ATP2B2: variants seen among roughly 807,000 people sequenced by gnomAD.
ATP2B2 encodes plasma membrane calcium-transporting ATPase 2.
ATP2B2 carries 15 observed loss-of-function variants against 120.0 expected under a neutral mutation model. The ratio of observed to expected loss-of-function variants is 0.12; its 90% CI spans 0.08 to 0.19. ATP2B2 has a LOEUF of 0.19. Ranked by LOEUF, ATP2B2 falls within the 10% of genes least tolerant of loss-of-function variation. The pLI, the probability that ATP2B2 is intolerant of heterozygous loss-of-function variation, is 1.00. For synonymous variants in ATP2B2, 694 were observed against 700.3 expected, an observed-to-expected ratio of 0.99 and a Z score of 0.14; for missense variants, 1,045 against 1,719.8, an observed-to-expected ratio of 0.61 and a Z score of 6.94.
chr3:10,391,218 G>A (rs1389881041), intron 5 of ATP2B2, among the ~76,000 whole-genome samples: 2 of 152,172 alleles, frequency 1.3e-5, no homozygotes, highest in Admixed American at 1.3e-4. Context: ...CAGAGTGGAG[G>A]GGTGGACTGC....
chr3:10,549,169 G>T (rs2067613092), intron 2 of ATP2B2, among the ~76,000 whole-genome samples: 1 of 152,180 alleles, frequency 6.6e-6, no homozygotes, highest in African/African-American at 2.4e-5. Context: ...TCTGTCAAAT[G>T]GAGGTGCCTG....
rs373493527 is a variant in ATP2B2, at chr3:10,569,030, TC to T, written c.-414-34898del. On this transcript the variant is annotated intron_variant, in intron 2 of 21. Coordinates refer to the ATP2B2 transcript ENST00000646379. ...GACTCTTCCCCATCTCGATGGATCC[TC>T]CTCTTAACCCTGGGACGTGGTATCG... Among the ~76,000 whole-genome samples the T allele has an allele frequency of 4.8e-4, 73 of 152,316 alleles. No individual in the cohort carries two copies. The East Asian group carries it at 0.013, about 26-fold the overall frequency.
chr3:10,624,785 AGAGGAAAAGCACTTTCT>A (rs1489384987), intron 1 of ATP2B2, among the ~76,000 whole-genome samples: 1 of 152,258 alleles, frequency 6.6e-6, no homozygotes, highest in African/African-American at 2.4e-5. Context: ...TATTAACTAA[AGAGGAAAAGCACTTTCT>A]GAGGAAAAGC....
At chr3:10,530,886 G>A (rs776670928) in intron 3 of ATP2B2, among the ~76,000 whole-genome samples, 4 of 152,164 alleles carry the variant, frequency 2.6e-5, no homozygotes, top group Non-Finnish European at 5.9e-5. Context: ...AAGGAAAGAT[G>A]CCTGTCATTT....
chr3:10,684,137 T>A (rs905850579), intron 1 of ATP2B2, among the ~76,000 whole-genome samples: 1 of 152,166 alleles, frequency 6.6e-6, no homozygotes, highest in Non-Finnish European at 1.5e-5. Flanking sequence ...CCAATCATGG[T>A]AGCTCATCCT....
intron 1 of ATP2B2, among the ~76,000 whole-genome samples, chr3:10,668,092 C>G (rs1309458074): frequency 6.6e-6 from 1 of 152,234 alleles, no homozygotes; most frequent in African/African-American, 2.4e-5. Context: ...TGACCTTAGG[C>G]ACATGGCCTG....
In ATP2B2 at chr3:10,346,023, G is replaced by A. The variant is rs777535125; in HGVS notation, c.2511+8C>T. 3.9e-5 allele frequency: 63 copies of A among 1,609,230 alleles called. No individual in the cohort carries two copies. The highest frequency in any genetic ancestry group is 8.8e-5 in the South Asian group (8 of 90,766). ...CACCACCCCAGGCCCTCTGTGGGCC[G>A]TTCCTACCATGGCGAAGCCCACGTC... is the stretch of plus-strand genomic sequence containing the variant. On this transcript the variant is annotated splice_region_variant and intron_variant, in intron 17 of 22. Transcript: ENST00000360273. This position sits in a 1 kb window ranked among gnomAD's most constrained non-coding sequence, Gnocchi z 4.1.
intron 3 of ATP2B2, among the ~76,000 whole-genome samples, chr3:10,524,306 T>A (rs1231187419): frequency 6.6e-6 from 1 of 152,190 alleles, no homozygotes; most frequent in Non-Finnish European, 1.5e-5. Context: ...AGTAAACGTA[T>A]CAGGTACAAT....
intron 2 of ATP2B2, among the ~76,000 whole-genome samples, chr3:10,573,934 C>G (rs1243853671): frequency 6.6e-6 from 1 of 152,168 alleles, no homozygotes; most frequent in East Asian, 1.9e-4. Context: ...TGGTCTCTCA[C>G]TGGTCCTTCC....
Position 10,326,816 on chromosome 3 carries a change from C to T in ATP2B2, c.*1998G>A, listed in dbSNP as rs908477589. On this transcript the variant is annotated 3_prime_UTR_variant, in exon 23 of 23. Coordinates refer to ENST00000360273, the MANE Select transcript of ATP2B2 (RefSeq NM_001001331.4). ...ACCCCAAACCCTCAAGTTTTTCCACCGCCATCCAGATGTAGGCCCTCCCAG... is the reference window on the plus strand; with the variant it reads ...ACCCCAAACCCTCAAGTTTTTCCACTGCCATCCAGATGTAGGCCCTCCCAG... The T allele has an allele frequency of 3.8e-5, 15 of 398,888 alleles. No homozygotes were observed. In the South Asian group the frequency reaches 3.8e-4, roughly 10 times the overall value. The allele number at this position is 398,888 out of a possible 1,614,324, so 24.7% of individuals were successfully genotyped here.
intron 14 of ATP2B2, among the ~76,000 whole-genome samples, chr3:10,355,072 C>A (rs1470290785): frequency 6.6e-6 from 1 of 151,598 alleles, no homozygotes; most frequent in African/African-American, 2.4e-5. Flanking sequence ...CAGGAATGAC[C>A]TACCTAAAAA....
chr3:10,668,578 G>A (rs2071010288), intron 1 of ATP2B2, among the ~76,000 whole-genome samples: 1 of 152,104 alleles, frequency 6.6e-6, no homozygotes, highest in African/African-American at 2.4e-5. Flanking sequence ...ATATCCTAAG[G>A]GCTGCCTCCT....
intron 1 of ATP2B2, among the ~76,000 whole-genome samples, chr3:10,625,639 T>C (rs2069676830): frequency 6.6e-6 from 1 of 152,072 alleles, no homozygotes; most frequent in Non-Finnish European, 1.5e-5. Context: ...CAGAGTGTAT[T>C]CAGAAGGCTT....
chr3:10,519,927 T>TC (rs900355571), intron 3 of ATP2B2, among the ~76,000 whole-genome samples: 1 of 152,196 alleles, frequency 6.6e-6, no homozygotes, highest in African/African-American at 2.4e-5. Flanking sequence ...CAGGGGTTTT[T>TC]CTCACATCAT....
At chr3:10,671,695 T>C (rs745897937) in intron 1 of ATP2B2, among the ~76,000 whole-genome samples, 8 of 95,976 alleles carry the variant, frequency 8.3e-5, no homozygotes, top group Non-Finnish European at 9.3e-5. Flanking sequence ...AGTTTGATTC[T>C]AGTGCTTGGG....
intron 2 of ATP2B2, among the ~76,000 whole-genome samples, chr3:10,563,546 G>A (rs910262838): frequency 2.0e-5 from 3 of 152,190 alleles, no homozygotes; most frequent in African/African-American, 7.2e-5. Flanking sequence ...CCTTGCACCT[G>A]GAGGGTGGGG....
intron 2 of ATP2B2, among the ~76,000 whole-genome samples, chr3:10,548,010 C>T (rs1476904784): frequency 3.3e-5 from 5 of 152,234 alleles, no homozygotes; most frequent in East Asian, 1.9e-4. Context: ...TATTCATCTT[C>T]TGTCCACCTG....
intron 3 of ATP2B2, among the ~76,000 whole-genome samples, chr3:10,528,115 C>T (rs761894865): frequency 3.3e-5 from 5 of 152,286 alleles, no homozygotes; most frequent in South Asian, 2.1e-4. Flanking sequence ...TTTGTTCTCA[C>T]GAGCATGAGG....
chr3:10,651,491 A>G (rs2070461523), intron 1 of ATP2B2, among the ~76,000 whole-genome samples: 1 of 152,206 alleles, frequency 6.6e-6, no homozygotes, highest in Admixed American at 6.5e-5. Flanking sequence ...ACCTTCCACC[A>G]TGATTGTGAG....
Sources: allele counts gnomAD v4.1 joint callset (sites outside exome capture counted in the v4.1 genomes callset), GRCh38; gene constraint gnomAD v4.1.1; non-coding constraint Gnocchi (gnomAD v3.1); transcripts MANE v1.5; gene names NCBI Gene and HGNC (gene_info 2026-07-23, HGNC 2026-07-21).